GPATCH2: variants seen among roughly 807,000 people sequenced by gnomAD.
GPATCH2 encodes the protein G-patch domain containing 2, also known as G patch domain-containing protein 2.
Under a neutral mutation model 58.0 loss-of-function variants are expected in GPATCH2, and 51 were observed. That is an observed-to-expected ratio of 0.88 (90% CI 0.70 to 1.11). The LOEUF is 1.11. Among genes scored for constraint, GPATCH2 ranks in the 50% most tolerant of loss-of-function variants. The pLI, the probability that GPATCH2 is intolerant of heterozygous loss-of-function variation, is 0.00. For synonymous variants in GPATCH2, 222 were observed against 218.5 expected (o/e 1.02, Z -0.14); for missense variants, 625 against 652.2 (o/e 0.96, Z 0.45).
intron 6 of GPATCH2, among the ~76,000 whole-genome samples, chr1:217,510,708 T>C (rs1367422677): frequency 6.6e-6 from 1 of 152,192 alleles, no homozygotes; most frequent in Non-Finnish European, 1.5e-5. Context: ...AGTCATTTGA[T>C]TATTTAAACA....
intron 5 of GPATCH2, chr1:217,609,172 G>A (rs1463384182): frequency 1.0e-6 from 1 of 977,182 alleles, no homozygotes; most frequent in African/African-American, 1.8e-5. Context: ...TTATTATAGT[G>A]TCTAAATTAT....
Position 217,491,769 on chromosome 1 carries a change from C to A in GPATCH2, c.1207-19G>T. The stretch of plus-strand genomic sequence containing the variant: ...GCTGATGCTACACAAAGTGTTAAGA[C>A]AAAGTCATAGAAACAAAAATATTTT... On this transcript the variant is annotated intron_variant, in intron 7 of 9. Coordinates refer to ENST00000366935, the MANE Select transcript of GPATCH2 (RefSeq NM_018040.5). 1 of 1,039,266 alleles carries A rather than the reference C, an allele frequency of 9.6e-7. No homozygotes were observed. The highest frequency in any genetic ancestry group is 1.4e-6 in the Non-Finnish European group (1 of 704,742). 64.4% of individuals were successfully genotyped at this position (1,039,266 alleles called of 1,614,324 possible). A position where few individuals can be genotyped will look rare whatever the true frequency, so the allele number is the denominator to read the frequency against.
intron 8 of GPATCH2, among the ~76,000 whole-genome samples, chr1:217,450,865 G>A (rs1021619): frequency 0.02 from 3,031 of 152,168 alleles, 40 homozygotes; most frequent in Non-Finnish European, 0.032. Context: ...TTAAAAAGTA[G>A]AATGATGTCA....
intron 6 of GPATCH2, among the ~76,000 whole-genome samples, chr1:217,500,794 C>T (rs1307576657): frequency 1.3e-5 from 2 of 151,866 alleles, no homozygotes; most frequent in Non-Finnish European, 2.9e-5. Context: ...AATGTCAGAT[C>T]TCCTGAGCTG....
At chr1:217,451,949 G>T (rs1024604090) in intron 8 of GPATCH2, among the ~76,000 whole-genome samples, 2 of 152,224 alleles carry the variant, frequency 1.3e-5, no homozygotes, top group African/African-American at 4.8e-5. Flanking sequence ...TAAAGAGTTT[G>T]CTCTGTTCAG....
intron 6 of GPATCH2, among the ~76,000 whole-genome samples, chr1:217,513,792 G>A (rs1662975404): frequency 6.6e-6 from 1 of 151,678 alleles, no homozygotes; most frequent in Non-Finnish European, 1.5e-5. Flanking sequence ...CTTGGCAGTA[G>A]CAGAAAGTAG....
intron 5 of GPATCH2, among the ~76,000 whole-genome samples, chr1:217,561,574 T>C (rs1665925896): frequency 6.6e-6 from 1 of 152,192 alleles, no homozygotes. Context: ...TTTTCAAACT[T>C]TGATTTGTGC....
At chr1:217,629,921 C>T (rs911937699) in intron 1 of GPATCH2, among the ~76,000 whole-genome samples, 11 of 152,094 alleles carry the variant, frequency 7.2e-5, no homozygotes, top group African/African-American at 2.4e-4. Context: ...GATGGAAAAG[C>T]AATTATCTGA....
At chr1:217,536,345 A>C (rs530655556) in intron 5 of GPATCH2, among the ~76,000 whole-genome samples, 2 of 152,354 alleles carry the variant, frequency 1.3e-5, no homozygotes, top group East Asian at 1.9e-4. Context: ...AAAAAATTAT[A>C]AGTACAACAC....
intron 8 of GPATCH2, among the ~76,000 whole-genome samples, chr1:217,469,752 G>A (rs1007835286): frequency 2.6e-5 from 4 of 152,014 alleles, no homozygotes; most frequent in Non-Finnish European, 5.9e-5. Flanking sequence ...AATATTCAAG[G>A]GTTGATGTGA....
At chr1:217,603,894 A>AT (rs983147506) in intron 5 of GPATCH2, among the ~76,000 whole-genome samples, 1 of 152,084 alleles carries the variant, frequency 6.6e-6, no homozygotes, top group Non-Finnish European at 1.5e-5. Flanking sequence ...AAGTGCTGTG[A>AT]TTATAGGTGT....
chr1:217,591,984 T>C (rs1329969305), intron 5 of GPATCH2, among the ~76,000 whole-genome samples: 1 of 143,624 alleles, frequency 7.0e-6, no homozygotes, highest in Non-Finnish European at 1.5e-5. Context: ...GAGTAATATA[T>C]TTTATATTAA....
At chr1:217,442,273 T>C (rs1038742035) in intron 9 of GPATCH2, among the ~76,000 whole-genome samples, 1 of 152,046 alleles carries the variant, frequency 6.6e-6, no homozygotes, top group African/African-American at 2.4e-5. Flanking sequence ...TTCTCACTCA[T>C]AAGTGGGAGT....
At chr1:217,629,552 T>C (rs1669635102) in intron 1 of GPATCH2, among the ~76,000 whole-genome samples, 1 of 152,090 alleles carries the variant, frequency 6.6e-6, no homozygotes. Flanking sequence ...GGACATTTTG[T>C]CTCCCTGACT....
In GPATCH2 at chr1:217,431,349, A is replaced by G. The variant is rs759428367; in HGVS notation, c.1383T>C (p.Asn461=). The change falls in exon 10 of 10, where the codon AAT becomes AAC. Residue 461 remains asparagine, a synonymous_variant. Transcript: ENST00000366935. ...TATTATTTTCTAGGATTGGCTGGGCATTTTCACCTACAAATCCTGAAATGA... is the reference window on the plus strand; with the variant it reads ...TATTATTTTCTAGGATTGGCTGGGCGTTTTCACCTACAAATCCTGAAATGA... ...GPTTAGFVGE[N]AQPILENNIG... The G allele has an allele frequency of 6.3e-7, 1 of 1,580,938 alleles. No individual in the cohort carries two copies. The highest frequency in any genetic ancestry group is 2.2e-5 in the East Asian group (1 of 44,762).
At chr1:217,556,034 G>C (rs147757667) in intron 5 of GPATCH2, among the ~76,000 whole-genome samples, 1 of 152,122 alleles carries the variant, frequency 6.6e-6, no homozygotes, top group Non-Finnish European at 1.5e-5. Context: ...AGAGGTTTGA[G>C]ATATGTAATG....
chr1:217,550,889 A>C (rs951590293), intron 5 of GPATCH2, among the ~76,000 whole-genome samples: 4 of 150,596 alleles, frequency 2.7e-5, no homozygotes, highest in Non-Finnish European at 5.9e-5. Context: ...TAGGGAAGCA[A>C]GTAAGGCATG....
chr1:217,505,611 A>AGG (rs1393906968), intron 6 of GPATCH2, among the ~76,000 whole-genome samples: 1 of 152,074 alleles, frequency 6.6e-6, no homozygotes, highest in East Asian at 1.9e-4. Context: ...AGGTCTCCTA[A>AGG]AAATGTACTT....
chr1:217,441,373 G>T (rs265132), intron 9 of GPATCH2, among the ~76,000 whole-genome samples: 1 of 152,006 alleles, frequency 6.6e-6, no homozygotes, highest in East Asian at 1.9e-4. Flanking sequence ...AGAGTTAAAC[G>T]TAACATCTAA....
Sources: allele counts gnomAD v4.1 joint callset (sites outside exome capture counted in the v4.1 genomes callset), GRCh38; gene constraint gnomAD v4.1.1; transcripts MANE v1.5; gene names NCBI Gene and HGNC (gene_info 2026-07-23, HGNC 2026-07-21).